CDS2: variants seen among roughly 807,000 people sequenced by gnomAD.
The protein encoded by CDS2 is phosphatidate cytidylyltransferase 2.
In CDS2, 47 loss-of-function variants were observed where a neutral mutation model predicts 59.0. The observed-to-expected ratio is 0.80, with a 90% CI of 0.63 to 1.02. The LOEUF is 1.02. Among genes scored for constraint, CDS2 ranks in the 50% least tolerant of loss-of-function variants. The pLI, the probability that CDS2 is intolerant of heterozygous loss-of-function variation, is 0.00. For synonymous variants in CDS2, 207 were observed against 206.4 expected, an observed-to-expected ratio of 1.00 and a Z score of -0.02; for missense variants, 356 against 558.9, an observed-to-expected ratio of 0.64 and a Z score of 3.66.
chr20:5,189,748 C>T lies in CDS2; in HGVS notation c.1115C>T (p.Thr372Ile). ...TGCCTCTAACAGGACTTTGCCAATA[C>T]CATTCCTGGCCATGGAGGCATCATG... Reference protein sequence around the residue: ...RAFKIKDFANTIPGHGGIMDR... With the variant: ...RAFKIKDFANIIPGHGGIMDR... The change falls in exon 12 of 13, where the codon ACC (threonine) becomes ATC (isoleucine). Residue 372 changes from threonine (T) to isoleucine (I), a missense_variant. By Grantham distance (89) the Thr-to-Ile change is moderately conservative. Transcript: ENST00000460006. The T allele has an allele frequency of 1.2e-6, 2 of 1,613,852 alleles. No individual in the cohort carries two copies. Among genetic ancestry groups the T allele is most frequent in the East Asian group, 2.2e-5 (1 of 44,884 alleles).
intron 1 of CDS2, among the ~76,000 whole-genome samples, chr20:5,169,234 G>GA (rs2090937179): frequency 6.6e-6 from 1 of 152,206 alleles, no homozygotes; most frequent in Admixed American, 6.5e-5. Flanking sequence ...CCTCGGGATT[G>GA]AAAGGGAAGG....
chr20:5,176,491 G>A (rs2090996193), intron 3 of CDS2, 157 bp from the exon 4 acceptor site: 3 of 640,054 alleles, frequency 4.7e-6, no homozygotes, highest in Admixed American at 2.4e-5. Flanking sequence ...TGCTCTGTGG[G>A]ATGGTATGAG....
At chr20:5,189,230 C>G (rs917465259) in intron 11 of CDS2, 44 bp downstream of exon 11, 1 of 1,612,172 alleles carries the variant, frequency 6.2e-7, no homozygotes, top group Non-Finnish European at 8.5e-7. Context: ...CTCCCTCACC[C>G]ATCTTCTGCC....
chr20:5,135,446 C>CTGTT (rs533053648), intron 1 of CDS2, among the ~76,000 whole-genome samples: 15 of 149,626 alleles, frequency 1.0e-4, no homozygotes, highest in African/African-American at 3.6e-4. Context: ...AAAAGTACAG[C>CTGTT]TGTTTGTGTG....
At chr20:5,146,215 G>T (rs1322680689) in intron 1 of CDS2, among the ~76,000 whole-genome samples, 1 of 152,202 alleles carries the variant, frequency 6.6e-6, no homozygotes, top group African/African-American at 2.4e-5. Context: ...TGTATGTGAT[G>T]AAGGATAAAA....
rs534101029 is a variant in CDS2 at position 5,171,114 on chromosome 20, CCCCTT to C, written c.58-2406_58-2402del. On this transcript the variant is annotated intron_variant, in intron 1 of 12. Coordinates refer to ENST00000460006, the MANE Select transcript of CDS2 (RefSeq NM_003818.4). ...CCTCTGGATACCCCTCTTCACTTCACCCCTTCCTACAAGGAAGGAGTCAGGTCTGA... is the reference window on the plus strand; with the variant it reads ...CCTCTGGATACCCCTCTTCACTTCACCCTACAAGGAAGGAGTCAGGTCTGA... Among the ~76,000 whole-genome samples, 163 of 152,328 alleles carry C rather than the reference CCCCTT, an allele frequency of 1.1e-3. 2 individuals carry two copies. Among genetic ancestry groups the C allele is most frequent in the Middle Eastern group, 0.01 (3 of 294 alleles).
At chr20:5,182,474 A>C (rs940440901) in intron 6 of CDS2, 29 bp downstream of exon 6, 1 of 1,589,464 alleles carries the variant, frequency 6.3e-7, no homozygotes, top group Non-Finnish European at 8.6e-7. Context: ...TGTGTGTCAG[A>C]ATTCTTGATT....
intron 5 of CDS2, among the ~76,000 whole-genome samples, chr20:5,180,484 A>T (rs571684942): frequency 2.0e-5 from 3 of 152,010 alleles, no homozygotes; most frequent in Non-Finnish European, 4.4e-5. Context: ...TAATTTCCTG[A>T]TGTTGCCATG....
chr20:5,130,206 CTCAGGTGA>C (rs1276415926), intron 1 of CDS2, among the ~76,000 whole-genome samples: 1 of 151,718 alleles, frequency 6.6e-6, no homozygotes, highest in African/African-American at 2.4e-5. Flanking sequence ...AACTCCTGAC[CTCAGGTGA>C]TCTACCCACT....
At chr20:5,165,058 T>C (rs1291870470) in intron 1 of CDS2, among the ~76,000 whole-genome samples, 1 of 152,180 alleles carries the variant, frequency 6.6e-6, no homozygotes, top group African/African-American at 2.4e-5. Flanking sequence ...ACAAAAATTA[T>C]GGGTTTAATG....
At chr20:5,172,041 T>C (rs992585231) in intron 1 of CDS2, among the ~76,000 whole-genome samples, 1 of 152,222 alleles carries the variant, frequency 6.6e-6, no homozygotes, top group Non-Finnish European at 1.5e-5. Flanking sequence ...CTTGTCACAG[T>C]TGTAAATTAA....
chr20:5,189,048 C>T lies in CDS2; in HGVS notation c.982-19C>T, dbSNP rs1568545527. On this transcript the variant is annotated intron_variant, in intron 10 of 12. Transcript: ENST00000460006. The stretch of plus-strand genomic sequence containing the variant: ...GGGCATGTATGCACCTAAACTTTTA[C>T]TTCATTTACTCTTCTCAGAAAACGG... 1 of 1,613,970 alleles carries T rather than the reference C, an allele frequency of 6.2e-7. No individual in the cohort carries two copies. Among genetic ancestry groups the T allele is most frequent in the Non-Finnish European group, 8.5e-7 (1 of 1,179,866 alleles).
intron 4 of CDS2, among the ~76,000 whole-genome samples, chr20:5,177,515 C>T (rs945984418): frequency 1.8e-4 from 28 of 152,250 alleles, no homozygotes; most frequent in African/African-American, 6.5e-4. Context: ...GTCTGAGACC[C>T]CTTTCTGATC....
At chr20:5,176,374 C>T (rs2090995174) in intron 3 of CDS2, 6 of 329,790 alleles carry the variant, frequency 1.8e-5, no homozygotes, top group South Asian at 3.7e-5. Flanking sequence ...CTGGGCAACA[C>T]GGTGAAACCC....
rs1008399037 is a variant in CDS2 at position 5,196,414 on chromosome 20, T to A, written c.*6180T>A. The A allele has an allele frequency of 1.3e-5, 2 of 152,278 alleles. No individual in the cohort carries two copies. The highest frequency in any genetic ancestry group is 2.9e-5 in the Non-Finnish European group (2 of 68,138). The allele number at this position is 152,278 out of a possible 1,614,324, so 9.4% of individuals were successfully genotyped here. ...GGCCCTCTGGAAATCAAGCAGAGAA[T>A]GCCTTTGCAGTGGTCTCCCGGGCAT... On this transcript the variant is annotated 3_prime_UTR_variant, in exon 13 of 13. Transcript: ENST00000460006.
intron 1 of CDS2, among the ~76,000 whole-genome samples, chr20:5,169,828 C>T (rs1010750981): frequency 6.6e-6 from 1 of 152,148 alleles, no homozygotes; most frequent in African/African-American, 2.4e-5. Context: ...AGTTTTGAGT[C>T]GGGGCTACCA....
rs1437980866 is a variant in CDS2, at chr20:5,190,337, C to G, written c.*103C>G. 4.1e-6 allele frequency: 4 copies of G among 973,344 alleles called. No homozygotes were observed. In the Admixed American group the frequency reaches 1.3e-4, roughly 31 times the overall value. The allele number at this position is 973,344 out of a possible 1,614,324, so 60.3% of individuals were successfully genotyped here. ...TAGACAATGACGAGGCTTCAACTCA[C>G]TGTCTTTTTTTTTTTTTTTTGGAGG... is the stretch of plus-strand genomic sequence containing the variant. On this transcript the variant is annotated 3_prime_UTR_variant, in exon 13 of 13. Coordinates refer to ENST00000460006, the MANE Select transcript of CDS2 (RefSeq NM_003818.4).
chr20:5,159,822 G>C (rs1437133710), intron 1 of CDS2, among the ~76,000 whole-genome samples: 1 of 151,996 alleles, frequency 6.6e-6, no homozygotes, highest in African/African-American at 2.4e-5. Flanking sequence ...ACCCTAGTTT[G>C]TTAAATAATT....
chr20:5,129,741 G>GT (rs1156998923), intron 1 of CDS2, among the ~76,000 whole-genome samples: 7,243 of 143,004 alleles, frequency 0.051, 514 homozygotes, highest in African/African-American at 0.17. Context: ...TGTACCTGGC[G>GT]TTTTTTTTTT....
Sources: allele counts gnomAD v4.1 joint callset (sites outside exome capture counted in the v4.1 genomes callset), GRCh38; gene constraint gnomAD v4.1.1; transcripts MANE v1.5; gene names NCBI Gene and HGNC (gene_info 2026-07-23, HGNC 2026-07-21).